Variants in NAPEPLD observed in about 807,000 individuals in gnomAD.
NAPEPLD encodes N-acyl phosphatidylethanolamine phospholipase D.
In NAPEPLD, 23 loss-of-function variants were observed where a neutral mutation model predicts 38.1. The observed-to-expected ratio is 0.60, with a 90% CI of 0.43 to 0.86. The LOEUF (loss-of-function observed/expected upper bound fraction) is 0.86, where lower values mean the gene tolerates loss of function less well. NAPEPLD is among the 40% of genes least tolerant of loss of function. NAPEPLD has a pLI of 0.00. For missense variants in NAPEPLD, 411 were observed against 476.8 expected, an observed-to-expected ratio of 0.86 and a Z score of 1.28; for synonymous variants, 147 against 162.0, an observed-to-expected ratio of 0.91 and a Z score of 0.71.
chr7:103,105,356 G>A (rs1014580189), intron 4 of NAPEPLD, among the ~76,000 whole-genome samples: 9 of 152,082 alleles, frequency 5.9e-5, no homozygotes, highest in African/African-American at 2.2e-4. Context: ...AATTCCTAAA[G>A]GGGTCAGTTT....
At position 103,121,736 on chromosome 7, in the gene NAPEPLD, C is replaced by T. The variant is rs145868582; in HGVS notation, c.295-1513G>A. On this transcript the variant is annotated intron_variant, in intron 2 of 4. Coordinates refer to ENST00000465647, the MANE Select transcript of NAPEPLD (RefSeq NM_001122838.3). ...AGGTATAGTAATTCTATACCTCATCCAATTCTTTTTTTACTGCTTTATGTA... is the reference window on the plus strand; with the variant it reads ...AGGTATAGTAATTCTATACCTCATCTAATTCTTTTTTTACTGCTTTATGTA... Among the ~76,000 whole-genome samples, 646 of 152,196 alleles carry T rather than the reference C, an allele frequency of 4.2e-3. 3 individuals carry two copies. Among genetic ancestry groups the T allele is most frequent in the African/African-American group, 0.015 (610 of 41,512 alleles).
chr7:103,140,387 CTTTTTTTTTTTT>C (rs377763676), intron 1 of NAPEPLD, among the ~76,000 whole-genome samples: 4 of 92,622 alleles, frequency 4.3e-5, no homozygotes, highest in South Asian at 8.9e-4. Context: ...TCACAGAACT[CTTTTTTTTTTTT>C]TTTTTTTTTT....
At chr7:103,142,837 T>C (rs1811718841) in intron 1 of NAPEPLD, among the ~76,000 whole-genome samples, 1 of 152,130 alleles carries the variant, frequency 6.6e-6, no homozygotes, top group Non-Finnish European at 1.5e-5. Context: ...TTTTAAAAGA[T>C]CTCCTGCTAG....
intron 3 of NAPEPLD, among the ~76,000 whole-genome samples, chr7:103,119,292 A>G (rs1806149980): frequency 6.6e-6 from 1 of 152,328 alleles, no homozygotes; most frequent in South Asian, 2.1e-4. Flanking sequence ...GAGATAATGC[A>G]CATGTAAAAT....
At chr7:103,136,777 A>T (rs1810175363) in intron 1 of NAPEPLD, among the ~76,000 whole-genome samples, 1 of 151,938 alleles carries the variant, frequency 6.6e-6, no homozygotes, top group African/African-American at 2.4e-5. Context: ...CTATAAAAGT[A>T]AGTAAGTTTT....
rs1241022437 is a variant in NAPEPLD, at chr7:103,101,202, A to C, written c.*2227T>G. On this transcript the variant is annotated 3_prime_UTR_variant, in exon 5 of 5. Transcript: ENST00000465647. ...TCAAAGCTAACTCACCATAAACCTA[A>C]CATCTTGATTCACATCTGCTTGGAG... is the stretch of plus-strand genomic sequence containing the variant. 6.6e-6 allele frequency: 1 copy of C among 152,132 alleles called. No individual in the cohort carries two copies. 9.4% of individuals were successfully genotyped at this position (152,132 alleles called of 1,614,324 possible).
chr7:103,106,403 C>T (rs1323683846), intron 4 of NAPEPLD, among the ~76,000 whole-genome samples: 2 of 151,812 alleles, frequency 1.3e-5, no homozygotes, highest in Non-Finnish European at 2.9e-5. Flanking sequence ...AAAACAAAAC[C>T]GTTCACTCCC....
intron 1 of NAPEPLD, among the ~76,000 whole-genome samples, chr7:103,140,344 C>G (rs1045687076): frequency 7.0e-6 from 1 of 142,420 alleles, no homozygotes; most frequent in Non-Finnish European, 1.5e-5. Flanking sequence ...TGTTTTTGTT[C>G]TATTTGAGTA....
intron 1 of NAPEPLD, among the ~76,000 whole-genome samples, chr7:103,135,741 A>G (rs552733672): frequency 0.035 from 723 of 20,476 alleles, 5 homozygotes; most frequent in Middle Eastern, 0.071. Context: ...GTACATATAA[A>G]TCTATATATA....
At chr7:103,137,491 A>C (rs889980346) in intron 1 of NAPEPLD, among the ~76,000 whole-genome samples, 2 of 152,140 alleles carry the variant, frequency 1.3e-5, no homozygotes, top group Admixed American at 1.3e-4. Flanking sequence ...AGGGTGATCA[A>C]ATTAAAATAT....
At chr7:103,136,501 C>T (rs182900915) in intron 1 of NAPEPLD, among the ~76,000 whole-genome samples, 132 of 150,144 alleles carry the variant, frequency 8.8e-4, no homozygotes, top group African/African-American at 3.1e-3. Flanking sequence ...GCAGGAGAAT[C>T]ACTTGAACCT....
At chr7:103,128,351 G>A in intron 2 of NAPEPLD, 132 bp downstream of exon 2, 1 of 1,044,352 alleles carries the variant, frequency 9.6e-7, no homozygotes, top group Non-Finnish European at 1.4e-6. Flanking sequence ...ATGAACTTTA[G>A]GGCCTAGGTT....
intron 4 of NAPEPLD, among the ~76,000 whole-genome samples, chr7:103,108,671 A>T (rs1243315038): frequency 6.6e-6 from 1 of 152,248 alleles, no homozygotes. Context: ...CACTATGAAT[A>T]AACTGCATTA....
rs1256355167 is a variant in NAPEPLD, at chr7:103,101,921, C to T, written c.*1508G>A. Reference sequence around the variant, plus strand: ...TGGGCCTCCAGTGGTATCTAATCCACCTCCCTCCCTTAGGAAGGGTCAGAA... The same window carrying T: ...TGGGCCTCCAGTGGTATCTAATCCATCTCCCTCCCTTAGGAAGGGTCAGAA... On this transcript the variant is annotated 3_prime_UTR_variant, in exon 5 of 5. Coordinates refer to ENST00000465647, the MANE Select transcript of NAPEPLD (RefSeq NM_001122838.3). 6.6e-6 allele frequency: 1 copy of T among 152,096 alleles called. No homozygotes were observed. The highest frequency in any genetic ancestry group is 1.5e-5 in the Non-Finnish European group (1 of 68,010). 9.4% of individuals were successfully genotyped at this position (152,096 alleles called of 1,614,324 possible).
At chr7:103,138,501 T>C (rs1329530735) in intron 1 of NAPEPLD, among the ~76,000 whole-genome samples, 1 of 149,926 alleles carries the variant, frequency 6.7e-6, no homozygotes, top group Admixed American at 6.7e-5. Context: ...AGAGTTTTGC[T>C]TTTGTTGCCC....
intron 3 of NAPEPLD, 142 bp from the exon 4 acceptor site, chr7:103,115,316 G>T: frequency 1.7e-6 from 1 of 576,140 alleles, no homozygotes; most frequent in Non-Finnish European, 2.9e-6. Context: ...AAAACATGCA[G>T]TTTTGGGGAG....
At chr7:103,135,650 GATC>G (rs1388158202) in intron 1 of NAPEPLD, among the ~76,000 whole-genome samples, 1 of 152,038 alleles carries the variant, frequency 6.6e-6, no homozygotes, top group Non-Finnish European at 1.5e-5. Flanking sequence ...TAATATACAG[GATC>G]TGAGAGTATG....
intron 4 of NAPEPLD, among the ~76,000 whole-genome samples, chr7:103,111,411 T>C (rs913356895): frequency 3.9e-5 from 6 of 152,174 alleles, no homozygotes; most frequent in African/African-American, 1.2e-4. Context: ...CCAAAACAGA[T>C]ATATAGACCA....
Position 103,099,843 on chromosome 7 carries a change from T to C in NAPEPLD, c.*3586A>G, listed in dbSNP as rs1802137608. ...TTTACTTGACTAAAAATACAATGTATGAAAATTTATCTTTAATAGCATTTT... is the reference window on the plus strand; with the variant it reads ...TTTACTTGACTAAAAATACAATGTACGAAAATTTATCTTTAATAGCATTTT... On this transcript the variant is annotated 3_prime_UTR_variant, in exon 5 of 5. Coordinates refer to ENST00000465647, the MANE Select transcript of NAPEPLD (RefSeq NM_001122838.3). 6.6e-6 allele frequency: 1 copy of C among 152,166 alleles called. No individual in the cohort carries two copies. Among genetic ancestry groups the C allele is most frequent in the Non-Finnish European group, 1.5e-5 (1 of 68,024 alleles). 9.4% of individuals were successfully genotyped at this position (152,166 alleles called of 1,614,324 possible).
Sources: gnomAD v4.1 joint callset for allele counts (sites outside exome capture counted in the v4.1 genomes callset) on GRCh38, gnomAD v4.1.1 for gene constraint, MANE v1.5 for transcripts, NCBI Gene and HGNC (gene_info 2026-07-23, HGNC 2026-07-21) for gene names.